The following GRIA3 variants were observed in gnomAD, a reference collection of about 807,000 sequenced individuals.
GRIA3 encodes glutamate ionotropic receptor AMPA type subunit 3.
In GRIA3, 3 loss-of-function variants were observed where a neutral mutation model predicts 63.0. The observed-to-expected ratio is 0.05, with a 90% CI of 0.02 to 0.12. GRIA3 has a LOEUF of 0.12. Ranked by LOEUF, GRIA3 falls within the 10% of genes least tolerant of loss-of-function variation. GRIA3 has a pLI of 1.00. For missense variants in GRIA3, 347 were observed against 700.9 expected, an observed-to-expected ratio of 0.50 and a Z score of 5.70; for synonymous variants, 274 against 257.9, an observed-to-expected ratio of 1.06 and a Z score of -0.60.
intron 5 of GRIA3, among the ~76,000 whole-genome samples, chrX:123,377,665 G>A (rs183905730): frequency 1.1e-3 from 121 of 111,934 alleles, no homozygotes; most frequent in African/African-American, 3.8e-3. Flanking sequence ...TAAATAACAA[G>A]AAAGTATGAA....
intron 2 of GRIA3, among the ~76,000 whole-genome samples, chrX:123,212,657 A>G (rs1425053971): frequency 1.8e-5 from 2 of 112,471 alleles, no homozygotes; most frequent in African/African-American, 6.5e-5. Flanking sequence ...TATAAAAACA[A>G]GAAATCATCT....
At chrX:123,191,009 T>C (rs1447043548) in intron 2 of GRIA3, among the ~76,000 whole-genome samples, 1 of 112,335 alleles carries the variant, frequency 8.9e-6, no homozygotes, top group Non-Finnish European at 1.9e-5. Context: ...TACAGTTGGT[T>C]TAAGGATTAA....
chrX:123,238,342 G>A (rs1307102403), intron 2 of GRIA3, among the ~76,000 whole-genome samples: 2 of 111,082 alleles, frequency 1.8e-5, no homozygotes, highest in Non-Finnish European at 3.8e-5. Context: ...AGAGGGCCTA[G>A]GGAGGAGGGA....
chrX:123,452,106 T>C (rs538653651), intron 12 of GRIA3, among the ~76,000 whole-genome samples: 24 of 112,065 alleles, frequency 2.1e-4, no homozygotes, highest in African/African-American at 7.1e-4. Flanking sequence ...TCAGTATTTA[T>C]GCACTAATTG....
chrX:123,201,391 T>C (rs145574768), intron 2 of GRIA3, among the ~76,000 whole-genome samples: 1 of 111,936 alleles, frequency 8.9e-6, no homozygotes, highest in East Asian at 2.8e-4. Flanking sequence ...AGATGTAACA[T>C]GATTGTCGTA....
chrX:123,357,790 A>C (rs964369994), intron 5 of GRIA3, among the ~76,000 whole-genome samples: 6 of 111,399 alleles, frequency 5.4e-5, no homozygotes, highest in African/African-American at 2.0e-4. Context: ...AAAATAAAGT[A>C]ATGTATAGTA....
At position 123,326,092 on chromosome X, in the gene GRIA3, C is replaced by A. The variant is rs774211960; in HGVS notation, c.575C>A (p.Ser192Tyr). ...AACAACTGGCAAGTAACAGCAAGGT[C>A]TGTGGGAAACATAAAGGACGTCCAA... is the stretch of plus-strand genomic sequence containing the variant. ...VQNNWQVTAR[S>Y]VGNIKDVQEF... Residue 192 changes from serine to tyrosine, a missense_variant, in exon 4 of 16, where the codon TCT becomes TAT. Physicochemically the swap from Ser to Tyr is moderately radical, Grantham distance 144. Coordinates refer to ENST00000620443, the MANE Select transcript of GRIA3 (RefSeq NM_007325.5). 3 of 1,206,945 alleles carry A rather than the reference C, an allele frequency of 2.5e-6. No homozygotes were observed. The highest frequency in any genetic ancestry group is 2.2e-6 in the Non-Finnish European group (2 of 891,258).
rs1033938623 is a variant in GRIA3 at position 123,185,763 on chromosome X, G to T, written c.110-69G>T. 3 of 900,299 alleles carry T rather than the reference G, an allele frequency of 3.3e-6. No homozygotes were observed. The African/African-American group carries it at 5.9e-5, about 18-fold the overall frequency. The allele number at this position is 900,299 out of a possible 1,213,427, so 74.2% of individuals were successfully genotyped here. Reference sequence around the variant, plus strand: ...TTGAGAGGTATCCGGTATCTATATTGTTCCCCAATTCCTAACTGGCCCTAG... The same window carrying T: ...TTGAGAGGTATCCGGTATCTATATTTTTCCCCAATTCCTAACTGGCCCTAG... On this transcript the variant is annotated intron_variant, in intron 1 of 15. Coordinates refer to ENST00000620443, the MANE Select transcript of GRIA3 (RefSeq NM_007325.5).
chrX:123,375,060 T>C (rs2045275386), intron 5 of GRIA3, among the ~76,000 whole-genome samples: 2 of 111,800 alleles, frequency 1.8e-5, no homozygotes, highest in African/African-American at 6.5e-5. Context: ...TTCTGTACAA[T>C]ACTAGCTGTG....
chrX:123,243,175 C>T (rs1311974985), intron 2 of GRIA3, among the ~76,000 whole-genome samples: 1 of 111,966 alleles, frequency 8.9e-6, no homozygotes, highest in African/African-American at 3.2e-5. Flanking sequence ...ATAGTAATAA[C>T]ATTTCAAAGG....
At chrX:123,215,509 G>A (rs1928137042) in intron 2 of GRIA3, among the ~76,000 whole-genome samples, 1 of 111,350 alleles carries the variant, frequency 9.0e-6, no homozygotes, top group Non-Finnish European at 1.9e-5. Context: ...TTAGCGTGGA[G>A]AAGACAGGAA....
chrX:123,367,780 C>A (rs750625634), intron 5 of GRIA3, among the ~76,000 whole-genome samples: 28 of 110,958 alleles, frequency 2.5e-4, no homozygotes, highest in Non-Finnish European at 4.9e-4. Flanking sequence ...TCTGAATAGT[C>A]GTCATTGGAT....
At chrX:123,293,588 T>C (rs1002350322) in intron 3 of GRIA3, among the ~76,000 whole-genome samples, 39 of 109,377 alleles carry the variant, frequency 3.6e-4, no homozygotes, top group African/African-American at 1.1e-3. Context: ...GTAGTAATAA[T>C]TTATGGAGTA....
At chrX:123,454,224 C>T (rs376098191) in intron 12 of GRIA3, among the ~76,000 whole-genome samples, 282 of 111,014 alleles carry the variant, frequency 2.5e-3, no homozygotes, top group African/African-American at 9.0e-3. Context: ...TGTTTGAGAG[C>T]AGACTCTGGA....
intron 2 of GRIA3, chrX:123,204,277 A>G: frequency 3.5e-6 from 2 of 568,972 alleles, no homozygotes; most frequent in Non-Finnish European, 6.0e-6. Flanking sequence ...CACCTCATGG[A>G]ACCAGTGCAG....
chrX:123,293,485 T>A (rs2044667903), intron 3 of GRIA3, among the ~76,000 whole-genome samples: 1 of 110,456 alleles, frequency 9.1e-6, no homozygotes. Flanking sequence ...ATCCACTGCA[T>A]CCCCTGTGCT....
At chrX:123,256,493 T>C (rs1368001977) in intron 3 of GRIA3, among the ~76,000 whole-genome samples, 2 of 110,955 alleles carry the variant, frequency 1.8e-5, no homozygotes, top group African/African-American at 6.6e-5. Flanking sequence ...AGGCAGCATG[T>C]GAAGAGTAGA....
intron 3 of GRIA3, among the ~76,000 whole-genome samples, chrX:123,293,734 T>A (rs768315851): frequency 9.1e-6 from 1 of 110,250 alleles, no homozygotes; most frequent in African/African-American, 3.3e-5. Context: ...ATTAACATAA[T>A]AACAACAATA....
At chrX:123,237,743 G>A (rs889835734) in intron 2 of GRIA3, among the ~76,000 whole-genome samples, 1 of 112,392 alleles carries the variant, frequency 8.9e-6, no homozygotes, top group Non-Finnish European at 1.9e-5. Context: ...CAAAGTGCTA[G>A]AGGGGCTACT....
Sources: gnomAD v4.1 joint callset for allele counts (sites outside exome capture counted in the v4.1 genomes callset) on GRCh38, gnomAD v4.1.1 for gene constraint, MANE v1.5 for transcripts, NCBI Gene and HGNC (gene_info 2026-07-23, HGNC 2026-07-21) for gene names.